The following RALGPS1 variants were observed in gnomAD, a reference collection of about 807,000 sequenced individuals.
RALGPS1 encodes the protein Ral GEF with PH domain and SH3 binding motif 1.
A neutral mutation model predicts 78.8 loss-of-function variants in RALGPS1; 19 were observed. That is an observed-to-expected ratio of 0.24 (90% CI 0.17 to 0.35). The LOEUF is 0.35. Ranked by LOEUF, RALGPS1 falls within the 10% of genes least tolerant of loss-of-function variation. The pLI, the probability that RALGPS1 is intolerant of heterozygous loss-of-function variation, is 1.00. For missense variants in RALGPS1, 454 were observed against 688.3 expected, an observed-to-expected ratio of 0.66 and a Z score of 3.81; for synonymous variants, 228 against 256.3, an observed-to-expected ratio of 0.89 and a Z score of 1.06.
At chr9:127,176,900 G>C (rs190694333) in intron 11 of RALGPS1, among the ~76,000 whole-genome samples, 2 of 152,288 alleles carry the variant, frequency 1.3e-5, no homozygotes, top group East Asian at 3.9e-4. Flanking sequence ...CTCTGCCTGA[G>C]AGTAGCAAGG....
intron 8 of RALGPS1, among the ~76,000 whole-genome samples, chr9:127,137,728 G>A (rs1035034631): frequency 6.6e-6 from 1 of 152,226 alleles, no homozygotes; most frequent in Non-Finnish European, 1.5e-5. Context: ...CCTGTGCTGG[G>A]CACTGGGGAG....
chr9:126,946,166 C>T (rs776332267), intron 1 of RALGPS1, among the ~76,000 whole-genome samples: 37 of 152,044 alleles, frequency 2.4e-4, no homozygotes, highest in Non-Finnish European at 3.7e-4. Flanking sequence ...TCCGTGATGG[C>T]CCAGGACAGA....
chr9:126,953,650 C>A (rs1315272339), intron 1 of RALGPS1, among the ~76,000 whole-genome samples: 1 of 152,212 alleles, frequency 6.6e-6, no homozygotes, highest in African/African-American at 2.4e-5. Flanking sequence ...TTTCACCTGA[C>A]ACCACATAAG....
intron 4 of RALGPS1, among the ~76,000 whole-genome samples, chr9:127,025,593 A>G (rs1005529744): frequency 3.9e-5 from 6 of 152,172 alleles, no homozygotes; most frequent in African/African-American, 1.4e-4. Context: ...ATTGTCATTT[A>G]GTTTGCATTT....
At chr9:126,962,589 C>A (rs924574936) in intron 2 of RALGPS1, among the ~76,000 whole-genome samples, 3 of 152,368 alleles carry the variant, frequency 2.0e-5, no homozygotes, top group South Asian at 2.1e-4. Context: ...CCAGCTGTAG[C>A]AAGTGCCACA....
chr9:127,182,121 T>C (rs910565897), intron 11 of RALGPS1, among the ~76,000 whole-genome samples: 4 of 151,252 alleles, frequency 2.6e-5, no homozygotes, highest in African/African-American at 9.7e-5. Context: ...GCAGATGGCT[T>C]GAGCCCAGAG....
intron 10 of RALGPS1, among the ~76,000 whole-genome samples, chr9:127,174,287 AAG>A (rs958084131): frequency 9.7e-5 from 12 of 124,282 alleles, no homozygotes; most frequent in African/African-American, 5.3e-4. Context: ...GAAAGAAAGA[AAG>A]AGAAAGAAAG....
At chr9:127,024,210 G>A (rs969665934) in intron 4 of RALGPS1, among the ~76,000 whole-genome samples, 1 of 151,828 alleles carries the variant, frequency 6.6e-6, no homozygotes. Context: ...TTTACAATGT[G>A]TAATATGTCA....
At chr9:127,187,833 A>G (rs1486741339) in intron 11 of RALGPS1, among the ~76,000 whole-genome samples, 2 of 152,162 alleles carry the variant, frequency 1.3e-5, no homozygotes, top group African/African-American at 4.8e-5. Context: ...ACTGCACGAG[A>G]TGTTTCCTTT....
At position 127,091,692 on chromosome 9, in the gene RALGPS1, G is replaced by T; in HGVS notation, c.610+22336G>T. The T allele has an allele frequency of 6.2e-7, 1 of 1,613,856 alleles. No individual in the cohort carries two copies. The highest frequency in any genetic ancestry group is 8.5e-7 in the Non-Finnish European group (1 of 1,180,002). ...TACCTGTGTAGACATCATGATCTCT[G>T]TCCAGGGTGGTGAACTGCTTGCCGT... is the stretch of plus-strand genomic sequence containing the variant. On this transcript the variant is annotated intron_variant, in intron 8 of 18. Transcript: ENST00000259351. The surrounding 1 kb of genome is among the most constrained non-coding windows in gnomAD (Gnocchi z 4.3).
intron 1 of RALGPS1, among the ~76,000 whole-genome samples, chr9:126,961,685 A>G (rs1380538757): frequency 6.6e-6 from 1 of 152,124 alleles, no homozygotes; most frequent in Non-Finnish European, 1.5e-5. Flanking sequence ...AGTCCCAGCA[A>G]CTCGGGAGAC....
chr9:127,108,533 C>T (rs2054484846), intron 8 of RALGPS1: 1 of 1,613,098 alleles, frequency 6.2e-7, no homozygotes, highest in Non-Finnish European at 8.5e-7. Flanking sequence ...CAGATGGCAC[C>T]CGTGACCCGC....
At chr9:127,063,356 G>T (rs2049384038) in intron 7 of RALGPS1, among the ~76,000 whole-genome samples, 1 of 152,124 alleles carries the variant, frequency 6.6e-6, no homozygotes, top group Non-Finnish European at 1.5e-5. Context: ...CTCGTGGTTT[G>T]TGAGTCCCAT....
intron 1 of RALGPS1, among the ~76,000 whole-genome samples, chr9:126,958,015 G>A (rs2038496700): frequency 6.6e-6 from 1 of 151,176 alleles, no homozygotes. Context: ...GCACGTGCCT[G>A]TAATCCCAAC....
chr9:126,955,317 A>T (rs1350203490), intron 1 of RALGPS1, among the ~76,000 whole-genome samples: 1 of 152,200 alleles, frequency 6.6e-6, no homozygotes, highest in African/African-American at 2.4e-5. Flanking sequence ...ATGAATTTGG[A>T]TGGAAAAAAT....
At chr9:126,976,686 A>C (rs1364689842) in intron 3 of RALGPS1, among the ~76,000 whole-genome samples, 1 of 152,168 alleles carries the variant, frequency 6.6e-6, no homozygotes, top group Non-Finnish European at 1.5e-5. Context: ...TCCCTGTATC[A>C]TGTCATCCTG....
chr9:127,171,476 A>G (rs942840060), intron 10 of RALGPS1, among the ~76,000 whole-genome samples: 2 of 152,232 alleles, frequency 1.3e-5, no homozygotes, highest in African/African-American at 4.8e-5. Context: ...AGGGCCGGGC[A>G]CAGTGGCTCA....
At chr9:127,074,608 C>G in intron 8 of RALGPS1, among the ~76,000 whole-genome samples, 1 of 152,358 alleles carries the variant, frequency 6.6e-6, no homozygotes, top group Non-Finnish European at 1.5e-5. Flanking sequence ...CCTCTTTTCT[C>G]GAATAAGGAT....
At chr9:127,035,563 G>C (rs575077244) in intron 5 of RALGPS1, among the ~76,000 whole-genome samples, 21 of 152,280 alleles carry the variant, frequency 1.4e-4, no homozygotes, top group Admixed American at 1.4e-3. Context: ...GATGGGGCCT[G>C]GATTCCCTTT....
Sources: gnomAD v4.1 joint callset for allele counts (sites outside exome capture counted in the v4.1 genomes callset) on GRCh38, gnomAD v4.1.1 for gene constraint, Gnocchi (gnomAD v3.1) non-coding constraint, MANE v1.5 for transcripts, NCBI Gene and HGNC (gene_info 2026-07-23, HGNC 2026-07-21) for gene names.